The following OTUD7A variants were observed in gnomAD, a reference collection of about 807,000 sequenced individuals.
OTUD7A encodes OTU deubiquitinase 7A.
Under a neutral mutation model 65.7 loss-of-function variants are expected in OTUD7A, and 12 were observed. The observed-to-expected ratio is 0.18, with a 90% CI of 0.12 to 0.30. The LOEUF (loss-of-function observed/expected upper bound fraction) is 0.30, where lower values mean the gene tolerates loss of function less well. Ranked by LOEUF, OTUD7A falls within the 10% of genes least tolerant of loss-of-function variation. OTUD7A has a pLI of 1.00. For missense variants in OTUD7A, 1,148 were observed against 1,304.8 expected, an observed-to-expected ratio of 0.88 and a Z score of 1.85; for synonymous variants, 641 against 586.3, an observed-to-expected ratio of 1.09 and a Z score of -1.35.
intron 3 of OTUD7A, among the ~76,000 whole-genome samples, chr15:31,616,406 C>G (rs571060588): frequency 6.6e-6 from 1 of 152,208 alleles, no homozygotes; most frequent in South Asian, 2.1e-4. Flanking sequence ...AAATGTATAA[C>G]CATTTATATA....
chr15:31,678,283 A>G (rs1377701353), intron 1 of OTUD7A, among the ~76,000 whole-genome samples: 1 of 152,238 alleles, frequency 6.6e-6, no homozygotes, highest in Non-Finnish European at 1.5e-5. Context: ...AAGTTCAGAA[A>G]ATTTGCAGCC....
chr15:31,848,094 G>A (rs1341190623), intron 1 of OTUD7A, among the ~76,000 whole-genome samples: 10 of 152,212 alleles, frequency 6.6e-5, no homozygotes, highest in Non-Finnish European at 2.9e-5. Flanking sequence ...CTTCAGGAGT[G>A]AGGTCCCTAA....
intron 1 of OTUD7A, among the ~76,000 whole-genome samples, chr15:31,868,851 C>G (rs897528732): frequency 5.3e-5 from 8 of 152,146 alleles, no homozygotes; most frequent in African/African-American, 1.7e-4. Flanking sequence ...CACTGTTTTC[C>G]CATTCTTTTC....
chr15:31,832,245 A>G (rs1480007992), intron 1 of OTUD7A, among the ~76,000 whole-genome samples: 1 of 152,168 alleles, frequency 6.6e-6, no homozygotes, highest in Non-Finnish European at 1.5e-5. Context: ...GATGATGGGG[A>G]GCCAGAGAAA....
intron 3 of OTUD7A, among the ~76,000 whole-genome samples, chr15:31,598,399 G>T (rs1157373523): frequency 6.6e-6 from 1 of 152,154 alleles, no homozygotes; most frequent in East Asian, 1.9e-4. Flanking sequence ...AGTACAAGGG[G>T]TCGGGGAATT....
intron 3 of OTUD7A, among the ~76,000 whole-genome samples, chr15:31,627,190 T>C (rs1890986065): frequency 6.6e-6 from 1 of 151,684 alleles, no homozygotes; most frequent in Admixed American, 6.6e-5. Flanking sequence ...GCTGCACCCA[T>C]TAACTCGTCA....
chr15:31,746,903 G>T (rs1189829117), intron 1 of OTUD7A, among the ~76,000 whole-genome samples: 3 of 152,178 alleles, frequency 2.0e-5, no homozygotes, highest in African/African-American at 7.2e-5. Flanking sequence ...AAGCTTTCTG[G>T]GGTGAGAGAA....
At chr15:31,710,413 C>G (rs1263605093) in intron 1 of OTUD7A, among the ~76,000 whole-genome samples, 61 of 150,694 alleles carry the variant, frequency 4.0e-4, no homozygotes, top group Non-Finnish European at 4.4e-5. Context: ...CAGGCACCCA[C>G]CACTGGGCCA....
At chr15:31,586,428 G>A (rs1889539102) in intron 3 of OTUD7A, among the ~76,000 whole-genome samples, 1 of 152,212 alleles carries the variant, frequency 6.6e-6, no homozygotes, top group Non-Finnish European at 1.5e-5. Flanking sequence ...CAGCCCCCCA[G>A]GGCTGTGGGT....
chr15:31,716,091 C>T, intron 1 of OTUD7A, among the ~76,000 whole-genome samples: 1 of 104,394 alleles, frequency 9.6e-6, no homozygotes, highest in Non-Finnish European at 2.0e-5. Flanking sequence ...GATTTTTTGG[C>T]AGAAACCCAA....
chr15:31,848,291 G>A (rs1897334507), intron 1 of OTUD7A, among the ~76,000 whole-genome samples: 1 of 152,064 alleles, frequency 6.6e-6, no homozygotes, highest in African/African-American at 2.4e-5. Context: ...ACGCAGGGAG[G>A]GGCAATAGCA....
intron 1 of OTUD7A, among the ~76,000 whole-genome samples, chr15:31,827,976 T>C (rs1356522478): frequency 1.3e-5 from 2 of 152,120 alleles, no homozygotes; most frequent in Non-Finnish European, 2.9e-5. Context: ...TGAGGCTTTG[T>C]TCCTTTTGTG....
chr15:31,864,591 AC>A (rs1157253032), intron 1 of OTUD7A, among the ~76,000 whole-genome samples: 2 of 152,044 alleles, frequency 1.3e-5, no homozygotes, highest in African/African-American at 4.8e-5. Context: ...TGATTCAGTT[AC>A]CTCCCTCTGG....
At chr15:31,678,537 T>C (rs1176923695) in intron 1 of OTUD7A, among the ~76,000 whole-genome samples, 1 of 152,224 alleles carries the variant, frequency 6.6e-6, no homozygotes, top group Non-Finnish European at 1.5e-5. Context: ...CAGGACTTGG[T>C]GCCCTGTGTC....
At chr15:31,525,714 G>A (rs965192843) in intron 8 of OTUD7A, among the ~76,000 whole-genome samples, 2 of 152,248 alleles carry the variant, frequency 1.3e-5, no homozygotes, top group African/African-American at 2.4e-5. Flanking sequence ...CGCGGCCAAG[G>A]CTCTATGGCT....
intron 1 of OTUD7A, among the ~76,000 whole-genome samples, chr15:31,863,207 G>T (rs920123710): frequency 6.6e-6 from 1 of 152,214 alleles, no homozygotes; most frequent in African/African-American, 2.4e-5. Context: ...AGGGGCTGGT[G>T]TTGAGTGTCT....
intron 1 of OTUD7A, among the ~76,000 whole-genome samples, chr15:31,863,233 G>A (rs1897790762): frequency 6.6e-6 from 1 of 152,164 alleles, no homozygotes; most frequent in African/African-American, 2.4e-5. Context: ...TTTTCCAGGT[G>A]CACGGTGCAA....
chr15:31,495,293 G>C (rs774197279), intron 10 of OTUD7A, among the ~76,000 whole-genome samples: 2 of 152,198 alleles, frequency 1.3e-5, no homozygotes, highest in Non-Finnish European at 2.9e-5. Flanking sequence ...CAGATGTATT[G>C]TGGATAAACA....
chr15:31,526,507 G>A (rs140468668), intron 7 of OTUD7A, 46 bp from the exon 8 acceptor site: 17 of 1,444,218 alleles, frequency 1.2e-5, no homozygotes, highest in African/African-American at 8.4e-5. Context: ...CCACAGCTGC[G>A]CTGCCCTCCT....
Sources: gnomAD v4.1 joint callset for allele counts (sites outside exome capture counted in the v4.1 genomes callset) on GRCh38, gnomAD v4.1.1 for gene constraint, MANE v1.5 for transcripts, NCBI Gene and HGNC (gene_info 2026-07-23, HGNC 2026-07-21) for gene names.